BAG1: variants seen among roughly 807,000 people sequenced by gnomAD.
The protein encoded by BAG1 is BAG family molecular chaperone regulator 1.
BAG1 carries 35 observed loss-of-function variants against 35.5 expected under a neutral mutation model. The observed-to-expected ratio is 0.99, with a 90% CI of 0.75 to 1.31. The LOEUF (loss-of-function observed/expected upper bound fraction) is 1.31, where lower values mean the gene tolerates loss of function less well. Among genes scored for constraint, BAG1 ranks in the 50% most tolerant of loss-of-function variants. BAG1 has a pLI of 0.00. For synonymous variants in BAG1, 191 were observed against 178.9 expected (o/e 1.07, Z -0.54); for missense variants, 464 against 453.6 (o/e 1.02, Z -0.21).
intron 6 of BAG1, among the ~76,000 whole-genome samples, chr9:33,255,560 C>A (rs1315533576): frequency 6.6e-6 from 1 of 152,222 alleles, no homozygotes; most frequent in Admixed American, 6.5e-5. Context: ...TGCCTCAGGG[C>A]CACTGCACAG....
chr9:33,262,333 C>G, intron 2 of BAG1: 1 of 1,211,914 alleles, frequency 8.3e-7, no homozygotes, highest in Non-Finnish European at 1.1e-6. Context: ...TAAAACTGTC[C>G]TTTGGCCATA....
Position 33,264,248 on chromosome 9 carries a change from C to T in BAG1, c.427G>A (p.Gly143Arg), listed in dbSNP as rs769115103. The T allele has an allele frequency of 2.3e-5, 37 of 1,611,136 alleles. No individual in the cohort carries two copies. The highest frequency in any genetic ancestry group is 2.5e-5 in the Non-Finnish European group (29 of 1,179,178). The change falls in exon 1 of 7, where the codon GGG becomes AGG. Residue 143 changes from glycine to arginine, a missense_variant. Transcript: ENST00000634734. ...CTGTGGGTGACAGTCACGGTGAGCC[C>T]AGCTGCCGCCATTTCCTCCCTGGTC... is the stretch of plus-strand genomic sequence containing the variant.
At position 33,255,158 on chromosome 9, in the gene BAG1, C is replaced by A; in HGVS notation, c.*61G>T. The A allele has an allele frequency of 6.2e-7, 1 of 1,614,128 alleles. No individual in the cohort carries two copies. The highest frequency in any genetic ancestry group is 8.5e-7 in the Non-Finnish European group (1 of 1,179,998). On this transcript the variant is annotated 3_prime_UTR_variant, in exon 7 of 7. Transcript: ENST00000634734. ...TGAAGAAATCAGGTAAATTCCGCTC[C>A]AGAGACGGCAGAGCTGGTGGCGCCA... is the stretch of plus-strand genomic sequence containing the variant.
At position 33,261,145 on chromosome 9, in the gene BAG1, G is replaced by A; in HGVS notation, c.605C>T (p.Thr202Ile). 2 of 1,610,424 alleles carry A rather than the reference G, an allele frequency of 1.2e-6. No individual in the cohort carries two copies. The highest frequency in any genetic ancestry group is 2.2e-5 in the East Asian group (1 of 44,712). ...TTGTATTCCAAGTGCTGACAACGGTGTTTCCATTTCCTTCAGAGATTTTCC... is the reference window on the plus strand; with the variant it reads ...TTGTATTCCAAGTGCTGACAACGGTATTTCCATTTCCTTCAGAGATTTTCC... The change falls in exon 3 of 7, where the codon ACA becomes ATA. Residue 202 changes from threonine (T) to isoleucine (I), a missense_variant. Coordinates refer to ENST00000634734, the MANE Select transcript of BAG1 (RefSeq NM_004323.6).
At position 33,258,926 on chromosome 9, in the gene BAG1, G is replaced by A. The variant is rs181475436; in HGVS notation, c.771C>T (p.Ile257=). The A allele has an allele frequency of 6.2e-7, 1 of 1,613,410 alleles. No individual in the cohort carries two copies. The highest frequency in any genetic ancestry group is 8.5e-7 in the Non-Finnish European group (1 of 1,179,342). ...GGTCCATGAAGAGAGTTACCTGCTG[G>A]ATTCCAGTAAGCTCTTTATTCAACT... Residue 257 remains isoleucine (I), a synonymous_variant, in exon 4 of 7, where the codon ATC becomes ATT. Transcript: ENST00000634734.
At position 33,262,817 on chromosome 9, in the gene BAG1, G is replaced by A. The variant is rs756192560; in HGVS notation, c.465C>T (p.His155=). ...CCTGCTGGGAGGTAACATGAAGGTCGTGCTTCTCATTGCCTGGGGAGAAAG... is the reference window on the plus strand; with the variant it reads ...CCTGCTGGGAGGTAACATGAAGGTCATGCTTCTCATTGCCTGGGGAGAAAG... The change falls in exon 2 of 7, where the codon CAC becomes CAT. Residue 155 remains histidine (H), a synonymous_variant. Coordinates refer to ENST00000634734, the MANE Select transcript of BAG1 (RefSeq NM_004323.6). 25 of 1,613,050 alleles carry A rather than the reference G, an allele frequency of 1.5e-5. 1 individual carries two copies. The East Asian group carries it at 1.6e-4, about 10-fold the overall frequency.
chr9:33,263,383 T>C lies in BAG1; in HGVS notation c.452-553A>G, dbSNP rs144901785. 4.3e-3 allele frequency among the ~76,000 whole-genome samples: 662 copies of C among 152,332 alleles called. 3 individuals are homozygous for C. Among genetic ancestry groups the C allele is most frequent in the African/African-American group, 0.015 (629 of 41,572 alleles). Reference sequence around the variant, plus strand: ...AACACACTTGAGTGCATCCATGATTTGTGCTAAGTAAACAGACAAATGCAT... The same window carrying C: ...AACACACTTGAGTGCATCCATGATTCGTGCTAAGTAAACAGACAAATGCAT... On this transcript the variant is annotated intron_variant, in intron 1 of 6. Coordinates refer to ENST00000634734, the MANE Select transcript of BAG1 (RefSeq NM_004323.6).
At chr9:33,256,942 T>C (rs749557183) in intron 4 of BAG1, 34 bp from the exon 5 acceptor site, 5 of 1,544,608 alleles carry the variant, frequency 3.2e-6, no homozygotes, top group Non-Finnish European at 3.6e-6. Flanking sequence ...GCAAGGGTTC[T>C]CTGAGGCTGA....
chr9:33,262,284 T>C (rs1393855426), intron 2 of BAG1: 4 of 1,259,452 alleles, frequency 3.2e-6, no homozygotes, highest in South Asian at 1.3e-5. Context: ...TTGTCCCAGT[T>C]TGAAAACAGA....
At position 33,264,389 on chromosome 9, in the gene BAG1, C is replaced by G. The variant is rs763968294; in HGVS notation, c.286G>C (p.Glu96Gln). 4.3e-6 allele frequency: 7 copies of G among 1,611,728 alleles called. No homozygotes were observed. The Middle Eastern group carries it at 5.0e-4, about 114-fold the overall frequency. The change falls in exon 1 of 7, where the codon GAG becomes CAG. Residue 96 changes from glutamate to glutamine, a missense_variant. By Grantham distance (29) the Glu-to-Gln change is conservative. Coordinates refer to ENST00000634734, the MANE Select transcript of BAG1 (RefSeq NM_004323.6). ...GCCTCTTCACTCCAGGTCGCTTCCT[C>G]ACTCAGGGTCAACTCCTCGCTCCGG...
chr9:33,252,531 TTGTTATATA>T lies in BAG1; in HGVS notation c.*2679_*2687del, dbSNP rs964377089. 3.5e-4 allele frequency: 52 copies of T among 149,684 alleles called. No homozygotes were observed. Among genetic ancestry groups the T allele is most frequent in the African/African-American group, 8.3e-4 (34 of 40,744 alleles). The allele number at this position is 149,684 out of a possible 1,614,324, so 9.3% of individuals were successfully genotyped here. A position where few individuals can be genotyped will look rare whatever the true frequency, so the allele number is the denominator to read the frequency against. ...TACAAGACTATATAACAAGTTATGC[TTGTTATATA>T]TGTTATATATGTTATGTTATATATA... On this transcript the variant is annotated 3_prime_UTR_variant, in exon 7 of 7. Coordinates refer to ENST00000634734, the MANE Select transcript of BAG1 (RefSeq NM_004323.6).
Position 33,255,181 on chromosome 9 carries a change from C to T in BAG1, c.*38G>A, listed in dbSNP as rs746658604. 6.2e-7 allele frequency: 1 copy of T among 1,614,198 alleles called. No individual in the cohort carries two copies. Among genetic ancestry groups the T allele is most frequent in the Non-Finnish European group, 8.5e-7 (1 of 1,180,024 alleles). Reference sequence around the variant, plus strand: ...TCCAGAGACGGCAGAGCTGGTGGCGCCATTCTTCAGGGCAGCACAGCCTTT... The same window carrying T: ...TCCAGAGACGGCAGAGCTGGTGGCGTCATTCTTCAGGGCAGCACAGCCTTT... On this transcript the variant is annotated 3_prime_UTR_variant, in exon 7 of 7. Coordinates refer to ENST00000634734, the MANE Select transcript of BAG1 (RefSeq NM_004323.6).
intron 4 of BAG1, chr9:33,258,024 C>T (rs12342391): frequency 6.6e-6 from 1 of 152,156 alleles, no homozygotes; most frequent in Non-Finnish European, 1.5e-5. Flanking sequence ...GGCGCAGTGG[C>T]TCATGCCTGT....
In BAG1 at chr9:33,261,110, G is replaced by A. The variant is rs755319430; in HGVS notation, c.640C>T (p.Arg214Trp). 31 of 1,608,164 alleles carry A rather than the reference G, an allele frequency of 1.9e-5. No homozygotes were observed. The highest frequency in any genetic ancestry group is 2.2e-5 in the East Asian group (1 of 44,630). ...ACCTTTTTCCCAATTAACATGACCC[G>A]GCAACCATCTTGTATTCCAAGTGCT... The change falls in exon 3 of 7, where the codon CGG (arginine) becomes TGG (tryptophan). Residue 214 changes from arginine to tryptophan, a missense_variant. Transcript: ENST00000634734.
At chr9:33,258,881 G>T in intron 4 of BAG1, 39 bp downstream of exon 4, 1 of 1,552,440 alleles carries the variant, frequency 6.4e-7, no homozygotes, top group South Asian at 1.1e-5. Flanking sequence ...AGGAAGCTCT[G>T]ATAGAAGGCA....
In BAG1 at chr9:33,261,243, G is replaced by A. The variant is rs541762961; in HGVS notation, c.581-74C>T. On this transcript the variant is annotated intron_variant, in intron 2 of 6. Transcript: ENST00000634734. ...GAAAATAAATTTCAGCAGGATACAG[G>A]AAATAGACAAGTGTGTTCACTAATG... 2.6e-5 allele frequency: 30 copies of A among 1,151,804 alleles called. No homozygotes were observed. In the Middle Eastern group the frequency reaches 5.9e-4, roughly 23 times the overall value. 71.3% of individuals were successfully genotyped at this position (1,151,804 alleles called of 1,614,324 possible).
Position 33,258,999 on chromosome 9 carries a change from A to C in BAG1, c.698T>G (p.Leu233Trp). ...CTCCACAGACTTCTCCAAATGTTTC[A>C]ACTTCTTTAGTTCAACCTCTTCCTG... Residue 233 changes from leucine to tryptophan, a missense_variant, in exon 4 of 7, where the codon TTG becomes TGG. By Grantham distance (61) the Leu-to-Trp change is moderately conservative (BLOSUM62 -2). Transcript: ENST00000634734. 6.2e-7 allele frequency: 1 copy of C among 1,614,146 alleles called. No individual in the cohort carries two copies. Among genetic ancestry groups the C allele is most frequent in the Non-Finnish European group, 8.5e-7 (1 of 1,179,996 alleles).
intron 5 of BAG1, among the ~76,000 whole-genome samples, chr9:33,256,355 T>G (rs1820452972): frequency 6.6e-6 from 1 of 152,216 alleles, no homozygotes; most frequent in South Asian, 2.1e-4. Flanking sequence ...GCTAGAGATA[T>G]CATTACTATC....
rs867402358 is a variant in BAG1 at position 33,256,923 on chromosome 9, T to C, written c.778-15A>G. Reference sequence around the variant, plus strand: ...GGCAGAAAACCCTGCGGGGAAATAATGCATTATTGCAAGGGTTCTCTGAGG... The same window carrying C: ...GGCAGAAAACCCTGCGGGGAAATAACGCATTATTGCAAGGGTTCTCTGAGG... On this transcript the variant is annotated splice_polypyrimidine_tract_variant and intron_variant, in intron 4 of 6. Coordinates refer to ENST00000634734, the MANE Select transcript of BAG1 (RefSeq NM_004323.6). 6 of 1,600,098 alleles carry C rather than the reference T, an allele frequency of 3.7e-6. No individual in the cohort carries two copies. In the Middle Eastern group the frequency reaches 1.0e-3, roughly 266 times the overall value.
Sources: allele counts gnomAD v4.1 joint callset (sites outside exome capture counted in the v4.1 genomes callset), GRCh38; gene constraint gnomAD v4.1.1; transcripts MANE v1.5; gene names NCBI Gene and HGNC (gene_info 2026-07-23, HGNC 2026-07-21).